The following EPN1 variants were observed in gnomAD, a reference collection of about 807,000 sequenced individuals.
EPN1 encodes the protein epsin 1.
In EPN1, 25 loss-of-function variants were observed where a neutral mutation model predicts 56.9. The observed-to-expected ratio is 0.44, with a 90% confidence interval of 0.32 to 0.61. The LOEUF (loss-of-function observed/expected upper bound fraction) is 0.61, where lower values mean the gene tolerates loss of function less well. EPN1 is among the 20% of genes least tolerant of loss of function. The pLI, the probability that EPN1 is intolerant of heterozygous loss-of-function variation, is 0.05. For synonymous variants in EPN1, 411 were observed against 361.8 expected (o/e 1.14, Z -1.54); for missense variants, 785 against 823.7 (o/e 0.95, Z 0.58).
intron 3 of EPN1, among the ~76,000 whole-genome samples, chr19:55,688,304 G>A (rs1184014380): frequency 6.6e-6 from 1 of 152,016 alleles, no homozygotes; most frequent in Non-Finnish European, 1.5e-5. Flanking sequence ...GGAGGGTCCG[G>A]CCCTGCCTTC....
chr19:55,690,579 C>T (rs1986476991), intron 6 of EPN1, among the ~76,000 whole-genome samples: 1 of 152,212 alleles, frequency 6.6e-6, no homozygotes, highest in African/African-American at 2.4e-5. Context: ...TGCCCTCCAG[C>T]CTCCTCCCCT....
In EPN1 at chr19:55,694,938, C is replaced by G; in HGVS notation, c.1477C>G (p.Pro493Ala). The change falls in exon 10 of 11, where the codon CCC becomes GCC. Residue 493 changes from proline (P) to alanine (A), a missense_variant. Physicochemically the swap from Pro to Ala is conservative, Grantham distance 27. Transcript: ENST00000270460. This position sits in a 1 kb window ranked among gnomAD's most constrained non-coding sequence, Gnocchi z 4.2. ...DLDSLVSRPG[P>A]TPPGAKASNP... ...GGACTCGCTGGTGAGCCGGCCGGGC[C>G]CCACGCCGCCTGGAGCCAAGGCCTC... 6.4e-7 allele frequency: 1 copy of G among 1,561,838 alleles called. No homozygotes were observed. Among genetic ancestry groups the G allele is most frequent in the South Asian group, 1.2e-5 (1 of 85,254 alleles).
In EPN1 at chr19:55,709,336, T is replaced by A. The variant is rs1328547945; in HGVS notation, c.*13980T>A. 1 of 191,106 alleles carries A rather than the reference T, an allele frequency of 5.2e-6. No homozygotes were observed. The highest frequency in any genetic ancestry group is 6.2e-5 in the Admixed American group (1 of 16,186). The allele number at this position is 191,106 out of a possible 1,614,324, so 11.8% of individuals were successfully genotyped here. The stretch of plus-strand genomic sequence containing the variant: ...CAGGATAACTTCCATTCATCTGATG[T>A]TCATATGCCCTGGCACATCTATTGC... On this transcript the variant is annotated 3_prime_UTR_variant, in exon 11 of 11. Transcript: ENST00000270460.
intron 9 of EPN1, among the ~76,000 whole-genome samples, chr19:55,693,796 C>T (rs1192014309): frequency 2.0e-5 from 3 of 152,206 alleles, no homozygotes; most frequent in African/African-American, 7.2e-5. Context: ...CGCTTCCCTC[C>T]TCTCATTATC....
In EPN1 at chr19:55,685,784, C is replaced by G. The variant is rs139292526; in HGVS notation, c.478+139C>G. ...CCCCTTTGCTTCTCCTCACCTGGGC[C>G]CCTTGCTCTGGTCTCACTTGGGCCC... On this transcript the variant is annotated intron_variant, in intron 3 of 10. Coordinates refer to ENST00000270460, the MANE Select transcript of EPN1 (RefSeq NM_001130072.2). 1.9e-3 allele frequency: 2,197 copies of G among 1,150,696 alleles called. 36 individuals carry two copies. The African/African-American group carries it at 0.031, about 16-fold the overall frequency. 71.3% of individuals were successfully genotyped at this position (1,150,696 alleles called of 1,614,324 possible).
Position 55,707,224 on chromosome 19 carries a change from C to T in EPN1, c.*11868C>T, listed in dbSNP as rs1160210944. On this transcript the variant is annotated 3_prime_UTR_variant, in exon 11 of 11. Transcript: ENST00000270460. ...AGGAACGGTAGTGTGCACCTGTGGT[C>T]CCAGCTACACAGGAGGCTGAGGCAG... The T allele has an allele frequency of 6.6e-6, 1 of 151,694 alleles. No individual in the cohort carries two copies. Among genetic ancestry groups the T allele is most frequent in the East Asian group, 1.9e-4 (1 of 5,166 alleles). 9.4% of individuals were successfully genotyped at this position (151,694 alleles called of 1,614,324 possible).
At position 55,697,958 on chromosome 19, in the gene EPN1, A is replaced by G. The variant is rs1269032052; in HGVS notation, c.*2602A>G. The G allele has an allele frequency of 6.6e-6, 1 of 152,034 alleles. No individual in the cohort carries two copies. Among genetic ancestry groups the G allele is most frequent in the East Asian group, 1.9e-4 (1 of 5,172 alleles). The allele number at this position is 152,034 out of a possible 1,614,324, so 9.4% of individuals were successfully genotyped here. On this transcript the variant is annotated 3_prime_UTR_variant, in exon 11 of 11. Transcript: ENST00000270460. ...AGGAAGACTTTATTCAGGACCATCG[A>G]GACAGGTACAGGTACCATCAGTGGA... is the stretch of plus-strand genomic sequence containing the variant.
In EPN1 at chr19:55,689,882, C is replaced by A; in HGVS notation, c.694C>A (p.Arg232Ser). The change falls in exon 6 of 11, where the codon CGC (arginine) becomes AGC (serine). Residue 232 changes from arginine (R) to serine (S), a missense_variant. Coordinates refer to ENST00000270460, the MANE Select transcript of EPN1 (RefSeq NM_001130072.2). The surrounding 1 kb of genome is among the most constrained non-coding windows in gnomAD (Gnocchi z 5.7). ...GCCCCAACAGGAGGAGCGGATCCGT[C>A]GCGGGGATGACCTGCGGCTGCAGAT... ...EEHDKEERIRRGDDLRLQMAI... is the reference protein window; with the variant it reads ...EEHDKEERIRSGDDLRLQMAI... 6.2e-7 allele frequency: 1 copy of A among 1,604,282 alleles called. No individual in the cohort carries two copies. The highest frequency in any genetic ancestry group is 8.5e-7 in the Non-Finnish European group (1 of 1,175,800).
rs1185477423 is a variant in EPN1 at position 55,685,474 on chromosome 19, G to A, written c.307G>A (p.Val103Met). The A allele has an allele frequency of 5.6e-6, 9 of 1,611,878 alleles. No individual in the cohort carries two copies. Among genetic ancestry groups the A allele is most frequent in the South Asian group, 2.2e-5 (2 of 90,678 alleles). Residue 103 changes from valine to methionine, a missense_variant, in exon 3 of 11, where the codon GTG becomes ATG. Physicochemically the swap from Val to Met is conservative, Grantham distance 21 (BLOSUM62 1). Coordinates refer to ENST00000270460, the MANE Select transcript of EPN1 (RefSeq NM_001130072.2). The stretch of plus-strand genomic sequence containing the variant: ...GCAGTGCAAGGAGAACATGTACGCC[G>A]TGCAGACGCTGAAGGACTTCCAGTA... ...SQQCKENMYA[V>M]QTLKDFQYVD...
chr19:55,676,919 T>C (rs1250996681), intron 1 of EPN1: 3 of 433,286 alleles, frequency 6.9e-6, no homozygotes, highest in Non-Finnish European at 8.3e-6. Context: ...CTGTCAGAAC[T>C]GTCTTCTATT....
chr19:55,700,746 C>T lies in EPN1; in HGVS notation c.*5390C>T, dbSNP rs1987104681. On this transcript the variant is annotated 3_prime_UTR_variant, in exon 11 of 11. Coordinates refer to ENST00000270460, the MANE Select transcript of EPN1 (RefSeq NM_001130072.2). ...CTTAAAAATGGTAATGACATGCTCT[C>T]TAGTAATCGTTGTGTGTTACTGTCA... The T allele has an allele frequency of 6.6e-6, 1 of 152,298 alleles. No homozygotes were observed. 9.4% of individuals were successfully genotyped at this position (152,298 alleles called of 1,614,324 possible).
rs1255610164 is a variant in EPN1 at position 55,707,605 on chromosome 19, C to G, written c.*12249C>G. ...TCTTTTCAGAACAATGTCCTAAGAA[C>G]CATAGGGGAAGTGGCCATAAAAACC... On this transcript the variant is annotated 3_prime_UTR_variant, in exon 11 of 11. Coordinates refer to ENST00000270460, the MANE Select transcript of EPN1 (RefSeq NM_001130072.2). 1 of 154,500 alleles carries G rather than the reference C, an allele frequency of 6.5e-6. No homozygotes were observed. The highest frequency in any genetic ancestry group is 1.9e-4 in the East Asian group (1 of 5,196). 9.6% of individuals were successfully genotyped at this position (154,500 alleles called of 1,614,324 possible). A position where few individuals can be genotyped will look rare whatever the true frequency, so the allele number is the denominator to read the frequency against.
Position 55,696,402 on chromosome 19 carries a change from C to T in EPN1, c.*1046C>T, listed in dbSNP as rs1351196689. 1.3e-5 allele frequency: 2 copies of T among 152,278 alleles called. No individual in the cohort carries two copies. The highest frequency in any genetic ancestry group is 1.9e-4 in the East Asian group (1 of 5,188). 9.4% of individuals were successfully genotyped at this position (152,278 alleles called of 1,614,324 possible). A position where few individuals can be genotyped will look rare whatever the true frequency, so the allele number is the denominator to read the frequency against. On this transcript the variant is annotated 3_prime_UTR_variant, in exon 11 of 11. Transcript: ENST00000270460. Reference sequence around the variant, plus strand: ...GTTGCAGGCCCCACAGCCAGGGCCTCAGGGATGGGGATCTGGCCATGTCTG... The same window carrying T: ...GTTGCAGGCCCCACAGCCAGGGCCTTAGGGATGGGGATCTGGCCATGTCTG...
At chr19:55,685,868 C>T (rs569031750) in intron 3 of EPN1, among the ~76,000 whole-genome samples, 16 of 152,216 alleles carry the variant, frequency 1.1e-4, no homozygotes, top group African/African-American at 2.4e-4. Flanking sequence ...CCTCTTGCCT[C>T]GTGCCCCAGG....
chr19:55,678,476 T>C, intron 1 of EPN1, 51 bp from the exon 2 acceptor site: 1 of 1,486,338 alleles, frequency 6.7e-7, no homozygotes, highest in Non-Finnish European at 8.9e-7. Flanking sequence ...CTGAGGGCTC[T>C]GGGCAGGCCA....
intron 7 of EPN1, 47 bp from the exon 8 acceptor site, chr19:55,692,639 G>A (rs1382074008): frequency 1.5e-6 from 2 of 1,294,046 alleles, no homozygotes; most frequent in Non-Finnish European, 2.1e-6. Context: ...CTAGCCATCT[G>A]GGCAGTCAAG....
At position 55,701,426 on chromosome 19, in the gene EPN1, G is replaced by A; in HGVS notation, c.*6070G>A. 6.7e-6 allele frequency: 1 copy of A among 150,108 alleles called. No individual in the cohort carries two copies. The highest frequency in any genetic ancestry group is 2.0e-4 in the East Asian group (1 of 5,126). The allele number at this position is 150,108 out of a possible 1,614,324, so 9.3% of individuals were successfully genotyped here. ...ATTGCACTACTGCACTCCAGCCTGG[G>A]TGACAGAGTGAGACCCTGTCTCCAA... On this transcript the variant is annotated 3_prime_UTR_variant, in exon 11 of 11. Transcript: ENST00000270460.
chr19:55,705,923 G>T lies in EPN1; in HGVS notation c.*10567G>T, dbSNP rs1031035313. On this transcript the variant is annotated 3_prime_UTR_variant, in exon 11 of 11. Transcript: ENST00000270460. ...AGTGTGTGATCATAGCTCACCATGG[G>T]ATTCTTGATTTTCAGTGAGTATAAA... The T allele has an allele frequency of 6.5e-6, 1 of 152,826 alleles. No individual in the cohort carries two copies. Among genetic ancestry groups the T allele is most frequent in the Non-Finnish European group, 1.5e-5 (1 of 68,662 alleles). The allele number at this position is 152,826 out of a possible 1,614,324, so 9.5% of individuals were successfully genotyped here. A position where few individuals can be genotyped will look rare whatever the true frequency, so the allele number is the denominator to read the frequency against.
At position 55,678,587 on chromosome 19, in the gene EPN1, G is replaced by C; in HGVS notation, c.-41G>C. On this transcript the variant is annotated 5_prime_UTR_variant, in exon 2 of 11. Transcript: ENST00000270460. ...TCCGGGAGTCGCCCCATCTCTCCAC[G>C]CATCGGGGCCCTGTGCCCCTTGCTG... 6.4e-7 allele frequency: 1 copy of C among 1,573,792 alleles called. No individual in the cohort carries two copies. The highest frequency in any genetic ancestry group is 1.2e-5 in the South Asian group (1 of 86,828).
Sources: gnomAD v4.1 joint callset for allele counts (sites outside exome capture counted in the v4.1 genomes callset) on GRCh38, gnomAD v4.1.1 for gene constraint, Gnocchi (gnomAD v3.1) non-coding constraint, MANE v1.5 for transcripts, NCBI Gene and HGNC (gene_info 2026-07-23, HGNC 2026-07-21) for gene names.